Variants in TRDN observed in about 807,000 individuals in gnomAD.
The protein encoded by TRDN is triadin.
Under a neutral mutation model 149.7 loss-of-function variants are expected in TRDN, and 161 were observed. The observed-to-expected ratio is 1.08, with a 90% CI of 0.95 to 1.23. The LOEUF is 1.23. Among genes scored for constraint, TRDN ranks in the 50% most tolerant of loss-of-function variants. TRDN has a pLI of 0.00. For missense variants in TRDN, 896 were observed against 823.5 expected (o/e 1.09, Z -1.08); for synonymous variants, 294 against 250.5 (o/e 1.17, Z -1.64).
At chr6:123,407,551 C>G (rs1223008865) in intron 12 of TRDN, among the ~76,000 whole-genome samples, 3 of 152,104 alleles carry the variant, frequency 2.0e-5, no homozygotes, top group African/African-American at 7.2e-5. Context: ...TTCTATCTCT[C>G]CTCCTAAGCT....
At chr6:123,494,178 G>A (rs1778335669) in intron 9 of TRDN, among the ~76,000 whole-genome samples, 1 of 152,084 alleles carries the variant, frequency 6.6e-6, no homozygotes, top group Non-Finnish European at 1.5e-5. Context: ...TATAGAACTA[G>A]GAATTATCTT....
At chr6:123,412,506 C>T (rs1259939534) in intron 12 of TRDN, among the ~76,000 whole-genome samples, 3 of 152,172 alleles carry the variant, frequency 2.0e-5, no homozygotes, top group African/African-American at 4.8e-5. Context: ...TTGGATAGTG[C>T]TGGAAGACCA....
intron 24 of TRDN, among the ~76,000 whole-genome samples, chr6:123,301,220 G>A (rs1373819354): frequency 2.0e-5 from 3 of 151,894 alleles, no homozygotes; most frequent in African/African-American, 7.2e-5. Flanking sequence ...GAATTGTAGT[G>A]GTATTTTTCA....
intron 35 of TRDN, among the ~76,000 whole-genome samples, chr6:123,257,944 T>C (rs1776621646): frequency 6.6e-6 from 1 of 152,190 alleles, no homozygotes; most frequent in Non-Finnish European, 1.5e-5. Context: ...TTGTCTATTA[T>C]TGGTGTATAG....
chr6:123,500,508 A>T (rs556650509), intron 8 of TRDN, among the ~76,000 whole-genome samples: 44 of 152,178 alleles, frequency 2.9e-4, no homozygotes, highest in Non-Finnish European at 6.2e-4. Context: ...AAAATTTTTC[A>T]CAAAGAAAAT....
At chr6:123,543,164 A>C (rs1262953596) in intron 4 of TRDN, among the ~76,000 whole-genome samples, 2 of 152,074 alleles carry the variant, frequency 1.3e-5, no homozygotes, top group East Asian at 3.9e-4. Flanking sequence ...AGGACATTTT[A>C]CTAAGTAAGG....
intron 27 of TRDN, 110 bp downstream of exon 27, chr6:123,274,531 A>G: frequency 1.1e-6 from 1 of 908,970 alleles, no homozygotes; most frequent in Non-Finnish European, 1.6e-6. Flanking sequence ...ATAATGAGGA[A>G]CTTGGAGACT....
intron 30 of TRDN, 87 bp from the exon 31 acceptor site, chr6:123,269,953 C>A: frequency 7.3e-7 from 1 of 1,365,292 alleles, no homozygotes. Context: ...TTTACTTATT[C>A]TTAGTTTTAG....
intron 10 of TRDN, among the ~76,000 whole-genome samples, chr6:123,460,819 C>T (rs1343387363): frequency 6.6e-6 from 1 of 152,062 alleles, no homozygotes; most frequent in East Asian, 1.9e-4. Flanking sequence ...CTTTTCTCCT[C>T]TGTATCTATA....
chr6:123,239,638 A>G (rs1775914653), intron 38 of TRDN, among the ~76,000 whole-genome samples: 1 of 152,102 alleles, frequency 6.6e-6, no homozygotes, highest in Non-Finnish European at 1.5e-5. Context: ...TACTCTATAA[A>G]TAAAATCTAA....
intron 38 of TRDN, among the ~76,000 whole-genome samples, chr6:123,247,962 G>A (rs1372670164): frequency 2.0e-5 from 3 of 151,984 alleles, no homozygotes; most frequent in Non-Finnish European, 4.4e-5. Context: ...ACAACCACCT[G>A]ATCTTTGACA....
At chr6:123,472,338 C>G (rs1445677319) in intron 9 of TRDN, among the ~76,000 whole-genome samples, 1 of 152,182 alleles carries the variant, frequency 6.6e-6, no homozygotes, top group African/African-American at 2.4e-5. Context: ...CCTGGAAAAT[C>G]GGGTCACTCC....
At chr6:123,546,381 C>T (rs1343367952) in intron 4 of TRDN, among the ~76,000 whole-genome samples, 1 of 151,980 alleles carries the variant, frequency 6.6e-6, no homozygotes, top group Non-Finnish European at 1.5e-5. Context: ...GGATTTTACC[C>T]CAGATAGTGT....
intron 7 of TRDN, among the ~76,000 whole-genome samples, chr6:123,506,102 TTA>T (rs1778909817): frequency 6.6e-6 from 1 of 152,200 alleles, no homozygotes; most frequent in African/African-American, 2.4e-5. Flanking sequence ...GGAATGTTTA[TTA>T]GTGTCTGTCT....
chr6:123,337,556 G>A (rs1179177522), intron 22 of TRDN, 63 bp downstream of exon 22: 5 of 789,346 alleles, frequency 6.3e-6, no homozygotes, highest in South Asian at 2.4e-5. Flanking sequence ...CTAATGTACT[G>A]TGTTCTCAAT....
chr6:123,378,855 A>G (rs1363049127), intron 16 of TRDN, among the ~76,000 whole-genome samples: 1 of 152,136 alleles, frequency 6.6e-6, no homozygotes, highest in Non-Finnish European at 1.5e-5. Context: ...TCTTTTCAGG[A>G]ATCTACTTTT....
chr6:123,338,691 T>C (rs1012813866), intron 21 of TRDN, among the ~76,000 whole-genome samples: 3 of 152,198 alleles, frequency 2.0e-5, no homozygotes, highest in African/African-American at 7.2e-5. Context: ...TGTATCCTCC[T>C]GAAGTCCTGA....
At chr6:123,389,666 A>G (rs1782034992) in intron 13 of TRDN, among the ~76,000 whole-genome samples, 1 of 152,168 alleles carries the variant, frequency 6.6e-6, no homozygotes, top group South Asian at 2.1e-4. Flanking sequence ...TATTTTCTAA[A>G]TGTTATTGAC....
chr6:123,261,955 G>A (rs1465514497), intron 33 of TRDN, among the ~76,000 whole-genome samples: 8 of 151,910 alleles, frequency 5.3e-5, no homozygotes, highest in Admixed American at 1.3e-4. Context: ...AATCTGTCAT[G>A]TGCTGTTAAG....
Sources: gnomAD v4.1 joint callset for allele counts (sites outside exome capture counted in the v4.1 genomes callset) on GRCh38, gnomAD v4.1.1 for gene constraint, MANE v1.5 for transcripts, NCBI Gene and HGNC (gene_info 2026-07-23, HGNC 2026-07-21) for gene names.